The following AQP2 variants were observed in gnomAD, a reference collection of about 807,000 sequenced individuals.
AQP2 encodes the protein aquaporin 2, also known as aquaporin-2.
In AQP2, 20 loss-of-function variants were observed where a neutral mutation model predicts 21.6. The observed-to-expected ratio is 0.92, with a 90% CI of 0.65 to 1.34. AQP2 has a LOEUF of 1.34. Ranked by LOEUF, AQP2 falls within the 40% of genes most tolerant of loss-of-function variation. AQP2 has a pLI of 0.00. For missense variants in AQP2, 325 were observed against 363.4 expected, an observed-to-expected ratio of 0.89 and a Z score of 0.86; for synonymous variants, 168 against 166.9, an observed-to-expected ratio of 1.01 and a Z score of -0.05.
rs140992866 is a variant in AQP2, at chr12:49,951,223, G to A, written c.360+33G>A. 7.6e-6 allele frequency: 12 copies of A among 1,588,792 alleles called. No individual in the cohort carries two copies. In the African/African-American group the frequency reaches 1.5e-4, roughly 19 times the overall value. Reference sequence around the variant, plus strand: ...GCCACAACTTTGCCATCCACAAGGGGCAGGTCCTGGGGAATCCCTTGTAAA... The same window carrying A: ...GCCACAACTTTGCCATCCACAAGGGACAGGTCCTGGGGAATCCCTTGTAAA... On this transcript the variant is annotated intron_variant, in intron 1 of 3. Transcript: ENST00000199280.
At position 49,956,001 on chromosome 12, in the gene AQP2, T is replaced by G; in HGVS notation, c.*393T>G. ...GGGTTCCGGGAATGATGCAACTGGT[T>G]TTACTAGTGTGCAAGTGTGTTCATC... On this transcript the variant is annotated 3_prime_UTR_variant, in exon 4 of 4. Transcript: ENST00000199280. The G allele has an allele frequency of 2.6e-6, 1 of 386,930 alleles. No individual in the cohort carries two copies. Among genetic ancestry groups the G allele is most frequent in the Non-Finnish European group, 4.9e-6 (1 of 204,942 alleles). 24.0% of individuals were successfully genotyped at this position (386,930 alleles called of 1,614,324 possible).
rs886049549 is a variant in AQP2 at position 49,956,689 on chromosome 12, C to A, written c.*1081C>A. 6.6e-6 allele frequency: 1 copy of A among 152,266 alleles called. No individual in the cohort carries two copies. The highest frequency in any genetic ancestry group is 1.5e-5 in the Non-Finnish European group (1 of 68,080). 9.4% of individuals were successfully genotyped at this position (152,266 alleles called of 1,614,324 possible). ...TTCACAAGTGAGCCCTCTTGCCCAG[C>A]ACACACCTATGGCTGGCTGGGCAAG... On this transcript the variant is annotated 3_prime_UTR_variant, in exon 4 of 4. Coordinates refer to ENST00000199280, the MANE Select transcript of AQP2 (RefSeq NM_000486.6).
In AQP2 at chr12:49,956,424, G is replaced by A. The variant is rs1426990195; in HGVS notation, c.*816G>A. The A allele has an allele frequency of 6.6e-6, 1 of 152,230 alleles. No individual in the cohort carries two copies. The allele number at this position is 152,230 out of a possible 1,614,324, so 9.4% of individuals were successfully genotyped here. A position where few individuals can be genotyped will look rare whatever the true frequency, so the allele number is the denominator to read the frequency against. ...AAAAAGGAAATCTTTGGTGGCCAAAGATTTCCTTTCTGTGGTGAGGGAGAA... is the reference window on the plus strand; with the variant it reads ...AAAAAGGAAATCTTTGGTGGCCAAAAATTTCCTTTCTGTGGTGAGGGAGAA... On this transcript the variant is annotated 3_prime_UTR_variant, in exon 4 of 4. Transcript: ENST00000199280.
chr12:49,954,396 C>G (rs1358040910), intron 2 of AQP2, 77 bp downstream of exon 2: 1 of 1,479,688 alleles, frequency 6.8e-7, no homozygotes, highest in Non-Finnish European at 9.2e-7. Flanking sequence ...CACAGAGACC[C>G]CAAGAGGGAC....
chr12:49,955,963 AC>A lies in AQP2; in HGVS notation c.*359del, dbSNP rs1406036808. ...CAGGTACTGAGTGGGGAGTGTACAG[AC>A]CCCTGCCTTGGGGGTTCCGGGAATG... On this transcript the variant is annotated 3_prime_UTR_variant, in exon 4 of 4. Transcript: ENST00000199280. 2 of 475,508 alleles carry A rather than the reference AC, an allele frequency of 4.2e-6. No homozygotes were observed. The highest frequency in any genetic ancestry group is 7.8e-5 in the East Asian group (2 of 25,648). 29.5% of individuals were successfully genotyped at this position (475,508 alleles called of 1,614,324 possible). A position where few individuals can be genotyped will look rare whatever the true frequency, so the allele number is the denominator to read the frequency against.
chr12:49,954,306 G>A lies in AQP2; in HGVS notation c.512G>A (p.Gly171Asp). The A allele has an allele frequency of 1.2e-6, 2 of 1,609,054 alleles. No individual in the cohort carries two copies. Among genetic ancestry groups the A allele is most frequent in the Non-Finnish European group, 8.5e-7 (1 of 1,179,684 alleles). The change falls in exon 2 of 4, where the codon GGC (glycine) becomes GAC (aspartate). Residue 171 changes from glycine to aspartate, a missense_variant. Physicochemically the swap from Gly to Asp is moderately conservative, Grantham distance 94. Coordinates refer to ENST00000199280, the MANE Select transcript of AQP2 (RefSeq NM_000486.6). ...TCCATAGGCTTCTCTGTGGCCCTGG[G>A]CCACCTCCTTGGGGTAGGTCATGGC... The part of the protein sequence containing the change: ...ALSIGFSVAL[G>D]HLLGIHYTGC...
rs989423908 is a variant in AQP2, at chr12:49,956,990, G to A, written c.*1382G>A. The A allele has an allele frequency of 1.3e-5, 2 of 152,654 alleles. No individual in the cohort carries two copies. Among genetic ancestry groups the A allele is most frequent in the Non-Finnish European group, 2.9e-5 (2 of 68,052 alleles). 9.5% of individuals were successfully genotyped at this position (152,654 alleles called of 1,614,324 possible). ...CCCAGGCTTCTAAATTTCTAGGCCA[G>A]TACTACTGCTCTCAAAAGAGATTAA... On this transcript the variant is annotated 3_prime_UTR_variant, in exon 4 of 4. Transcript: ENST00000199280.
rs1237811033 is a variant in AQP2, at chr12:49,950,853, C to A, written c.23C>A (p.Ala8Asp). Residue 8 changes from alanine to aspartate, a missense_variant, in exon 1 of 4, where the codon GCC becomes GAC. By Grantham distance (126) the Ala-to-Asp change is moderately radical. Transcript: ENST00000199280. ...AGCATGTGGGAGCTCCGCTCCATAG[C>A]CTTCTCCAGGGCTGTGTTCGCAGAG... is the stretch of plus-strand genomic sequence containing the variant. MWELRSI[A>D]FSRAVFAEFL... is the part of the protein sequence containing the mutation. 18 of 1,612,900 alleles carry A rather than the reference C, an allele frequency of 1.1e-5. No homozygotes were observed. Among genetic ancestry groups the A allele is most frequent in the Non-Finnish European group, 1.5e-5 (18 of 1,179,058 alleles).
At chr12:49,951,967 G>A (rs1046543924) in intron 1 of AQP2, 1 of 152,308 alleles carries the variant, frequency 6.6e-6, no homozygotes, top group East Asian at 1.9e-4. Context: ...TTTTGTGCTT[G>A]TTTCCGGTAG....
Position 49,955,572 on chromosome 12 carries a change from C to T in AQP2, c.780C>T (p.His260=), listed in dbSNP as rs1387017734. The T allele has an allele frequency of 3.1e-6, 5 of 1,590,246 alleles. No individual in the cohort carries two copies. The highest frequency in any genetic ancestry group is 4.3e-6 in the Non-Finnish European group (5 of 1,172,144). ...GACGGCGGCAGTCGGTGGAGCTGCACTCGCCGCAGAGCCTGCCACGGGGTA... is the reference window on the plus strand; with the variant it reads ...GACGGCGGCAGTCGGTGGAGCTGCATTCGCCGCAGAGCCTGCCACGGGGTA... ...EVRRRQSVEL[H]SPQSLPRGTK... The change falls in exon 4 of 4, where the codon CAC becomes CAT. Residue 260 remains histidine, a synonymous_variant. Transcript: ENST00000199280.
chr12:49,952,869 G>A (rs1384859523), intron 1 of AQP2, among the ~76,000 whole-genome samples: 1 of 152,204 alleles, frequency 6.6e-6, no homozygotes, highest in Non-Finnish European at 1.5e-5. Flanking sequence ...TGGCCACCAG[G>A]AAGTTAATCA....
chr12:49,951,069 A>G lies in AQP2; in HGVS notation c.239A>G (p.His80Arg). 2 of 1,612,378 alleles carry G rather than the reference A, an allele frequency of 1.2e-6. No homozygotes were observed. Among genetic ancestry groups the G allele is most frequent in the Non-Finnish European group, 1.7e-6 (2 of 1,178,824 alleles). The part of the protein sequence containing the change: ...AVTVACLVGC[H>R]VSVLRAAFYV... The stretch of plus-strand genomic sequence containing the variant: ...ACTGTGGCCTGCCTGGTGGGCTGCC[A>G]CGTCTCCGTTCTCCGAGCCGCCTTC... Residue 80 changes from histidine (H) to arginine (R), a missense_variant, in exon 1 of 4, where the codon CAC becomes CGC. By Grantham distance (29) the His-to-Arg change is conservative (BLOSUM62 0). Coordinates refer to ENST00000199280, the MANE Select transcript of AQP2 (RefSeq NM_000486.6).
chr12:49,954,384 G>T, intron 2 of AQP2, 65 bp downstream of exon 2: 1 of 1,528,132 alleles, frequency 6.5e-7, no homozygotes, highest in South Asian at 1.2e-5. Flanking sequence ...TCCAGAGACA[G>T]ACACAGAGAC....
Position 49,956,695 on chromosome 12 carries a change from C to T in AQP2, c.*1087C>T, listed in dbSNP as rs186839162. On this transcript the variant is annotated 3_prime_UTR_variant, in exon 4 of 4. Transcript: ENST00000199280. ...AGTGAGCCCTCTTGCCCAGCACACA[C>T]CTATGGCTGGCTGGGCAAGGCGCTC... 1 of 152,404 alleles carries T rather than the reference C, an allele frequency of 6.6e-6. No individual in the cohort carries two copies. The highest frequency in any genetic ancestry group is 2.4e-5 in the African/African-American group (1 of 41,566). 9.4% of individuals were successfully genotyped at this position (152,404 alleles called of 1,614,324 possible).
In AQP2 at chr12:49,955,420, G is replaced by C; in HGVS notation, c.628G>C (p.Val210Leu). 3.1e-6 allele frequency: 5 copies of C among 1,612,648 alleles called. No homozygotes were observed. The highest frequency in any genetic ancestry group is 4.2e-6 in the Non-Finnish European group (5 of 1,179,752). ...DHWVFWIGPL[V>L]GAILGSLLYN... ...CCAGGTCTTCTGGATCGGACCCCTG[G>C]TGGGCGCCATCCTGGGCTCCCTCCT... is the stretch of plus-strand genomic sequence containing the variant. Residue 210 changes from valine (V) to leucine (L), a missense_variant, in exon 4 of 4, where the codon GTG (valine) becomes CTG (leucine). Val to Leu is a conservative substitution (Grantham distance 32, BLOSUM62 1). Transcript: ENST00000199280.
At chr12:49,954,401 A>G (rs1947351386) in intron 2 of AQP2, 82 bp downstream of exon 2, 2 of 1,460,552 alleles carry the variant, frequency 1.4e-6, no homozygotes, top group African/African-American at 2.8e-5. Flanking sequence ...AGACCCCAAG[A>G]GGGACACATA....
At chr12:49,951,415 C>A in intron 1 of AQP2, 1 of 661,886 alleles carries the variant, frequency 1.5e-6, no homozygotes, top group Non-Finnish European at 2.4e-6. Flanking sequence ...GCTTCTTCCA[C>A]CCTGACCGTC....
intron 3 of AQP2, 41 bp downstream of exon 3, chr12:49,954,751 C>T: frequency 6.3e-7 from 1 of 1,587,004 alleles, no homozygotes. Context: ...CTCTAGAAAC[C>T]CATTTTAGAG....
chr12:49,950,953 G>A lies in AQP2; in HGVS notation c.123G>A (p.Val41=). 1 of 1,614,236 alleles carries A rather than the reference G, an allele frequency of 6.2e-7. No homozygotes were observed. Among genetic ancestry groups the A allele is most frequent in the South Asian group, 1.1e-5 (1 of 91,084 alleles). ...ALNWPQALPS[V]LQIAMAFGLG... is the part of the protein sequence containing the mutation. ...ACTGGCCACAGGCCCTGCCCTCTGTGCTACAGATTGCCATGGCGTTTGGCT... is the reference window on the plus strand; with the variant it reads ...ACTGGCCACAGGCCCTGCCCTCTGTACTACAGATTGCCATGGCGTTTGGCT... The change falls in exon 1 of 4, where the codon GTG becomes GTA. Residue 41 remains valine (V), a synonymous_variant. Transcript: ENST00000199280.
Sources: allele counts gnomAD v4.1 joint callset (sites outside exome capture counted in the v4.1 genomes callset), GRCh38; gene constraint gnomAD v4.1.1; transcripts MANE v1.5; gene names NCBI Gene and HGNC (gene_info 2026-07-23, HGNC 2026-07-21).